The following KCNB2 variants were observed in gnomAD, a reference collection of about 807,000 sequenced individuals.
KCNB2 encodes the protein potassium voltage-gated channel subfamily B member 2, also known as delayed rectifier potassium channel protein.
A neutral mutation model predicts 61.5 loss-of-function variants in KCNB2; 15 were observed. The observed-to-expected ratio is 0.24, with a 90% confidence interval of 0.16 to 0.38. The LOEUF (loss-of-function observed/expected upper bound fraction) is 0.38, where lower values mean the gene tolerates loss of function less well. Among genes scored for constraint, KCNB2 ranks in the 10% least tolerant of loss-of-function variants. The probability of loss-of-function intolerance (pLI) is 1.00; values close to 1 mark genes in which losing one functional copy is unlikely to be tolerated. For synonymous variants in KCNB2, 457 were observed against 446.0 expected, an observed-to-expected ratio of 1.02 and a Z score of -0.31; for missense variants, 828 against 1,125.2, an observed-to-expected ratio of 0.74 and a Z score of 3.78.
chr8:72,728,899 C>T (rs1260726631), intron 2 of KCNB2, among the ~76,000 whole-genome samples: 1 of 152,006 alleles, frequency 6.6e-6, no homozygotes, highest in Non-Finnish European at 1.5e-5. Context: ...GTTTATCTTG[C>T]AATAAAGTAA....
chr8:72,585,447 C>G (rs1005106224), intron 2 of KCNB2, among the ~76,000 whole-genome samples: 4 of 152,202 alleles, frequency 2.6e-5, no homozygotes, highest in African/African-American at 9.7e-5. Flanking sequence ...TTTATCTTCT[C>G]TCTCTTTCTG....
At chr8:72,723,860 T>C (rs1444939785) in intron 2 of KCNB2, among the ~76,000 whole-genome samples, 1 of 152,224 alleles carries the variant, frequency 6.6e-6, no homozygotes, top group Admixed American at 6.5e-5. Context: ...CTGGCAATTA[T>C]CTGAAGAGGC....
At position 72,859,761 on chromosome 8, in the gene KCNB2, C is replaced by G. The variant is rs1483564387; in HGVS notation, c.580-76174C>G. On this transcript the variant is annotated intron_variant, in intron 2 of 2. Coordinates refer to ENST00000523207, the MANE Select transcript of KCNB2 (RefSeq NM_004770.3). Reference sequence around the variant, plus strand: ...TGAGATGGAGTTTCGCTCTTGTTGCCCAGGCTGGAGTACAATGGCATGATC... The same window carrying G: ...TGAGATGGAGTTTCGCTCTTGTTGCGCAGGCTGGAGTACAATGGCATGATC... Among the ~76,000 whole-genome samples the G allele has an allele frequency of 1.3e-4, 17 of 129,086 alleles. No individual in the cohort carries two copies. In the Admixed American group the frequency reaches 1.6e-3, roughly 12 times the overall value. 84.7% of individuals were successfully genotyped at this position (129,086 alleles called of 152,430 possible).
intron 2 of KCNB2, among the ~76,000 whole-genome samples, chr8:72,609,964 C>T (rs1805511965): frequency 6.6e-6 from 1 of 152,180 alleles, no homozygotes; most frequent in Non-Finnish European, 1.5e-5. Flanking sequence ...CAAACTGTGG[C>T]TCTGGCTGTC....
intron 2 of KCNB2, among the ~76,000 whole-genome samples, chr8:72,704,053 C>T (rs952780521): frequency 7.2e-5 from 11 of 152,160 alleles, no homozygotes; most frequent in African/African-American, 2.2e-4. Flanking sequence ...TCATCCCACA[C>T]GTAAATCTCA....
chr8:72,717,632 C>G (rs1807468944), intron 2 of KCNB2, among the ~76,000 whole-genome samples: 1 of 152,010 alleles, frequency 6.6e-6, no homozygotes, highest in Non-Finnish European at 1.5e-5. Flanking sequence ...GAAACTGGAT[C>G]CCTTCCTTAC....
intron 2 of KCNB2, among the ~76,000 whole-genome samples, chr8:72,692,356 G>A (rs1453503836): frequency 6.6e-6 from 1 of 151,990 alleles, no homozygotes; most frequent in Non-Finnish European, 1.5e-5. Flanking sequence ...TTGGAGGTAG[G>A]ATGGGGAATT....
chr8:72,648,591 T>C (rs2128986239), intron 2 of KCNB2, among the ~76,000 whole-genome samples: 1 of 148,642 alleles, frequency 6.7e-6, no homozygotes, highest in African/African-American at 2.5e-5. Flanking sequence ...TTTTTCAGAA[T>C]ATAAATTAAT....
intron 2 of KCNB2, among the ~76,000 whole-genome samples, chr8:72,798,804 G>GC (rs1433005086): frequency 2.0e-5 from 3 of 152,152 alleles, no homozygotes; most frequent in Non-Finnish European, 1.5e-5. Flanking sequence ...AATACGAAAA[G>GC]CCCGATTCCT....
intron 2 of KCNB2, among the ~76,000 whole-genome samples, chr8:72,761,788 A>G (rs1041771322): frequency 3.9e-5 from 4 of 103,602 alleles, no homozygotes; most frequent in South Asian, 6.0e-4. Context: ...AGAATAAAAT[A>G]CTGTTACAAA....
intron 2 of KCNB2, among the ~76,000 whole-genome samples, chr8:72,844,246 A>G (rs1231045370): frequency 1.3e-5 from 2 of 152,072 alleles, no homozygotes; most frequent in Non-Finnish European, 2.9e-5. Flanking sequence ...TCTTTTCTTT[A>G]AGGATGTTGA....
chr8:72,585,314 C>A (rs1253181348), intron 2 of KCNB2, among the ~76,000 whole-genome samples: 1 of 152,182 alleles, frequency 6.6e-6, no homozygotes, highest in Non-Finnish European at 1.5e-5. Context: ...TAAGTTGATA[C>A]AATTTTCTTT....
intron 2 of KCNB2, among the ~76,000 whole-genome samples, chr8:72,737,830 A>C (rs1182460577): frequency 1.3e-5 from 2 of 152,132 alleles, no homozygotes; most frequent in Non-Finnish European, 2.9e-5. Context: ...TTTAACTCCT[A>C]ACATTTGTTT....
At chr8:72,741,930 G>A (rs763716836) in intron 2 of KCNB2, among the ~76,000 whole-genome samples, 61 of 152,168 alleles carry the variant, frequency 4.0e-4, no homozygotes, top group Admixed American at 9.8e-4. Flanking sequence ...AAAATAGTAT[G>A]GAGATTCCTT....
chr8:72,906,106 C>CT (rs1806172387), intron 2 of KCNB2, among the ~76,000 whole-genome samples: 2 of 152,182 alleles, frequency 1.3e-5, no homozygotes, highest in Non-Finnish European at 2.9e-5. Context: ...AGATGAATAT[C>CT]TTAGTCTTTG....
chr8:72,903,507 G>A (rs1478457671), intron 2 of KCNB2, among the ~76,000 whole-genome samples: 1 of 152,158 alleles, frequency 6.6e-6, no homozygotes, highest in Non-Finnish European at 1.5e-5. Flanking sequence ...CTTGAGCCCA[G>A]GAGGTCAAGG....
intron 2 of KCNB2, among the ~76,000 whole-genome samples, chr8:72,898,553 G>A (rs1806029849): frequency 1.3e-5 from 2 of 152,156 alleles, no homozygotes; most frequent in Admixed American, 6.5e-5. Flanking sequence ...CTTACCAAAT[G>A]TATTGAAGTC....
chr8:72,819,409 T>G (rs1418721975), intron 2 of KCNB2, among the ~76,000 whole-genome samples: 1 of 152,164 alleles, frequency 6.6e-6, no homozygotes, highest in East Asian at 1.9e-4. Flanking sequence ...AAAAAGCCCC[T>G]GCCTACTTAT....
At chr8:72,780,646 A>C (rs1288831893) in intron 2 of KCNB2, among the ~76,000 whole-genome samples, 1 of 152,090 alleles carries the variant, frequency 6.6e-6, no homozygotes, top group Admixed American at 6.6e-5. Flanking sequence ...GATTGATTCT[A>C]TGTCTTTGCT....
Sources: allele counts gnomAD v4.1 joint callset (sites outside exome capture counted in the v4.1 genomes callset), GRCh38; gene constraint gnomAD v4.1.1; transcripts MANE v1.5; gene names NCBI Gene and HGNC (gene_info 2026-07-23, HGNC 2026-07-21).